NFIB: variants seen among roughly 807,000 people sequenced by gnomAD.
NFIB encodes the protein nuclear factor I B.
In NFIB, 11 loss-of-function variants were observed where a neutral mutation model predicts 61.5. That is an observed-to-expected ratio of 0.18 (90% CI 0.11 to 0.30). NFIB has a LOEUF of 0.30. Ranked by LOEUF, NFIB falls within the 10% of genes least tolerant of loss-of-function variation. The pLI is 1.00. For missense variants in NFIB, 471 were observed against 608.9 expected (o/e 0.77, Z 2.38); for synonymous variants, 260 against 216.5 (o/e 1.20, Z -1.76).
At chr9:14,439,655 AG>A in the NFIB span, among the ~76,000 whole-genome samples, 1 of 152,014 alleles carries the variant, frequency 6.6e-6, no homozygotes, top group Non-Finnish European at 1.5e-5. Flanking sequence ...AAGTGGCCTG[AG>A]GTTGAGGGAC....
chr9:14,399,986 G>A (rs868551842), upstream of NFIB, among the ~76,000 whole-genome samples: 12 of 151,694 alleles, frequency 7.9e-5, no homozygotes, highest in African/African-American at 2.4e-4. Flanking sequence ...CTTGGAGTAC[G>A]TAACAGCTAA....
chr9:14,231,135 A>AAATATATATATATATATAT (rs55959148), intron 2 of NFIB, among the ~76,000 whole-genome samples: 7 of 35,352 alleles, frequency 2.0e-4, no homozygotes, highest in Non-Finnish European at 3.2e-4. Flanking sequence ...AAAAAAAAAA[A>AAATATATATATATATATAT]ATATATATAT....
intron 2 of NFIB, among the ~76,000 whole-genome samples, chr9:14,246,357 C>T (rs544223925): frequency 1.3e-5 from 2 of 152,264 alleles, no homozygotes; most frequent in South Asian, 4.2e-4. Context: ...TACAGGAAGT[C>T]ACTACACCTT....
At chr9:14,110,094 T>G (rs1238226767) in intron 10 of NFIB, among the ~76,000 whole-genome samples, 1 of 152,046 alleles carries the variant, frequency 6.6e-6, no homozygotes, top group Non-Finnish European at 1.5e-5. Context: ...TTAGAAAGCT[T>G]TTCATCTTAA....
chr9:14,246,274 C>T (rs2054916657), intron 2 of NFIB, among the ~76,000 whole-genome samples: 1 of 152,122 alleles, frequency 6.6e-6, no homozygotes, highest in African/African-American at 2.4e-5. Flanking sequence ...ATTGGCAAGG[C>T]ACTGGTATTC....
intron 6 of NFIB, among the ~76,000 whole-genome samples, chr9:14,135,449 G>GAAGAAA (rs1377451749): frequency 2.0e-5 from 3 of 152,118 alleles, no homozygotes; most frequent in Non-Finnish European, 4.4e-5. Flanking sequence ...AAAATACAGT[G>GAAGAAA]AAGAAAAAAG....
intron 2 of NFIB, among the ~76,000 whole-genome samples, chr9:14,235,755 G>A (rs925527942): frequency 6.6e-6 from 1 of 152,112 alleles, no homozygotes; most frequent in Admixed American, 6.5e-5. Flanking sequence ...AGCATCACTA[G>A]GACCTGATAT....
At chr9:14,271,252 C>T (rs2057597987) in intron 2 of NFIB, among the ~76,000 whole-genome samples, 1 of 151,040 alleles carries the variant, frequency 6.6e-6, no homozygotes, top group African/African-American at 2.4e-5. Flanking sequence ...GAGCATCTGC[C>T]TGGCCCAATC....
the NFIB span, among the ~76,000 whole-genome samples, chr9:14,496,761 C>G: frequency 1.3e-5 from 2 of 152,208 alleles, no homozygotes; most frequent in East Asian, 3.8e-4. Context: ...AGCCAGATTT[C>G]TCCCCAAGAA....
intron 2 of NFIB, among the ~76,000 whole-genome samples, chr9:14,296,779 G>C (rs532133206): frequency 1.9e-4 from 29 of 152,310 alleles, no homozygotes; most frequent in African/African-American, 7.0e-4. Flanking sequence ...TGTTATAGTA[G>C]CCTGAACTAA....
chr9:14,383,317 C>G lies in NFIB; in HGVS notation c.108+15207G>C, dbSNP rs17708974. Among the ~76,000 whole-genome samples the G allele has an allele frequency of 3.8e-4, 58 of 152,154 alleles. 1 individual carries two copies. In the East Asian group the frequency reaches 9.1e-3, roughly 24 times the overall value. On this transcript the variant is annotated intron_variant, in intron 1 of 8. Transcript: ENST00000380934. Reference sequence around the variant, plus strand: ...CCAGATACTGAAATACAGGTATATCCTAGTACACTATTGATTATATTTTTG... The same window carrying G: ...CCAGATACTGAAATACAGGTATATCGTAGTACACTATTGATTATATTTTTG...
At chr9:14,525,592 A>G in the NFIB span, among the ~76,000 whole-genome samples, 1 of 152,172 alleles carries the variant, frequency 6.6e-6, no homozygotes, top group African/African-American at 2.4e-5. Context: ...TTTTACCCTT[A>G]AAATCATGGT....
intron 2 of NFIB, among the ~76,000 whole-genome samples, chr9:14,276,284 C>T (rs754168158): frequency 6.6e-6 from 1 of 152,068 alleles, no homozygotes; most frequent in African/African-American, 2.4e-5. Flanking sequence ...CCTATTTTCT[C>T]AATTGTAAAA....
intron 3 of NFIB, among the ~76,000 whole-genome samples, chr9:14,177,799 T>C (rs1413973062): frequency 6.6e-6 from 1 of 152,170 alleles, no homozygotes; most frequent in Non-Finnish European, 1.5e-5. Flanking sequence ...CTACCTTGGT[T>C]GTTTTTGTTT....
At chr9:14,353,321 T>C (rs1328046167) in intron 1 of NFIB, among the ~76,000 whole-genome samples, 1 of 152,146 alleles carries the variant, frequency 6.6e-6, no homozygotes, top group African/African-American at 2.4e-5. Flanking sequence ...GGGAAGCTGG[T>C]CCTGTTCTAT....
intron 1 of NFIB, among the ~76,000 whole-genome samples, chr9:14,355,817 C>T (rs1392806182): frequency 3.3e-5 from 5 of 152,200 alleles, no homozygotes; most frequent in African/African-American, 1.2e-4. Flanking sequence ...ATTAGCCAGT[C>T]GTGGTGGCGG....
chr9:14,305,951 T>G (rs755328031), intron 2 of NFIB: 1 of 1,336,860 alleles, frequency 7.5e-7, no homozygotes, highest in South Asian at 2.0e-5. Flanking sequence ...ATTGTTTTAC[T>G]ATGGATTGTT....
chr9:14,211,409 T>C (rs1331450122), intron 2 of NFIB, among the ~76,000 whole-genome samples: 2 of 152,146 alleles, frequency 1.3e-5, no homozygotes, highest in African/African-American at 2.4e-5. Flanking sequence ...AGGGAATACA[T>C]AAATTGGGTC....
At chr9:14,127,966 C>A (rs2039894902) in intron 6 of NFIB, among the ~76,000 whole-genome samples, 1 of 147,062 alleles carries the variant, frequency 6.8e-6, no homozygotes. Flanking sequence ...ATAAATTGTT[C>A]ATAAAACCAC....
Sources: gnomAD v4.1 joint callset for allele counts (sites outside exome capture counted in the v4.1 genomes callset) on GRCh38, gnomAD v4.1.1 for gene constraint, MANE v1.5 for transcripts, NCBI Gene and HGNC (gene_info 2026-07-23, HGNC 2026-07-21) for gene names.